Variants in LRBA observed in about 807,000 individuals in gnomAD.
The protein encoded by LRBA is lipopolysaccharide-responsive and beige-like anchor protein.
In LRBA, 176 loss-of-function variants were observed where a neutral mutation model predicts 330.0. The ratio of observed to expected loss-of-function variants is 0.53; its 90% CI spans 0.47 to 0.60. LRBA has a LOEUF of 0.60. Among genes scored for constraint, LRBA ranks in the 20% least tolerant of loss-of-function variants. The pLI, the probability that LRBA is intolerant of heterozygous loss-of-function variation, is 0.00. For missense variants in LRBA, 3,259 were observed against 3,444.8 expected, an observed-to-expected ratio of 0.95 and a Z score of 1.35; for synonymous variants, 1,230 against 1,193.0, an observed-to-expected ratio of 1.03 and a Z score of -0.64.
At chr4:150,619,568 T>G (rs190388541) in intron 37 of LRBA, among the ~76,000 whole-genome samples, 2 of 152,176 alleles carry the variant, frequency 1.3e-5, no homozygotes, top group African/African-American at 2.4e-5. Context: ...TCTACAGATA[T>G]CAACCATCTT....
At chr4:150,933,053 C>G (rs1734685084) in intron 2 of LRBA, among the ~76,000 whole-genome samples, 1 of 151,874 alleles carries the variant, frequency 6.6e-6, no homozygotes, top group Admixed American at 6.6e-5. Context: ...ATGTTAGATA[C>G]AAGAACTTCA....
At chr4:150,451,190 C>A (rs887800338) in intron 44 of LRBA, among the ~76,000 whole-genome samples, 2 of 152,152 alleles carry the variant, frequency 1.3e-5, no homozygotes, top group Non-Finnish European at 2.9e-5. Context: ...ACATGAGCAA[C>A]GACATCTTCA....
intron 28 of LRBA, among the ~76,000 whole-genome samples, chr4:150,834,724 C>G (rs1283007335): frequency 6.6e-6 from 1 of 152,120 alleles, no homozygotes; most frequent in African/African-American, 2.4e-5. Flanking sequence ...TGTATTAGTC[C>G]CTAACAAGAG....
chr4:150,831,958 G>C lies in LRBA; in HGVS notation c.4588C>G (p.Gln1530Glu). 1.3e-6 allele frequency: 2 copies of C among 1,521,898 alleles called. No individual in the cohort carries two copies. The highest frequency in any genetic ancestry group is 1.3e-5 in the South Asian group (1 of 74,476). 94.3% of individuals were successfully genotyped at this position (1,521,898 alleles called of 1,614,324 possible). A position where few individuals can be genotyped will look rare whatever the true frequency, so the allele number is the denominator to read the frequency against. ...FRDIEDSKQA[Q>E]FLALAVVYFI... ...TATACTACTGCCAAGGCTAAAAATT[G>C]AGCTTGTTTGCTATCCTCCTGGGAA... Residue 1530 changes from glutamine to glutamate, a missense_variant, in exon 29 of 57, where the codon CAA becomes GAA. Gln to Glu is a conservative substitution (Grantham distance 29). Transcript: ENST00000651943.
In LRBA at chr4:150,321,412, T is replaced by C. The variant is rs369365542; in HGVS notation, c.7453-44A>G. Reference sequence around the variant, plus strand: ...TTGAGTGGGCATGACAAGACCCAAATAGACAAGAAGGAAAAGATGAAGAAA... The same window carrying C: ...TTGAGTGGGCATGACAAGACCCAAACAGACAAGAAGGAAAAGATGAAGAAA... On this transcript the variant is annotated intron_variant, in intron 49 of 56. Transcript: ENST00000651943. This position sits in a 1 kb window ranked among gnomAD's most constrained non-coding sequence, Gnocchi z 4.5. The C allele has an allele frequency of 7.5e-6, 11 of 1,476,246 alleles. No homozygotes were observed. The highest frequency in any genetic ancestry group is 5.4e-5 in the Admixed American group (2 of 37,234). 91.4% of individuals were successfully genotyped at this position (1,476,246 alleles called of 1,614,324 possible). A position where few individuals can be genotyped will look rare whatever the true frequency, so the allele number is the denominator to read the frequency against.
At chr4:150,278,146 A>AGTT in intron 55 of LRBA, 142 bp from the exon 56 acceptor site, 1 of 670,302 alleles carries the variant, frequency 1.5e-6, no homozygotes, top group South Asian at 2.1e-5. Context: ...GAAAATCGTG[A>AGTT]GTTGTAGAAG....
chr4:150,921,154 G>T (rs1347086746), intron 5 of LRBA, 44 bp downstream of exon 5: 5 of 1,319,856 alleles, frequency 3.8e-6, no homozygotes, highest in East Asian at 2.3e-5. Context: ...AGGGAGCAAA[G>T]GAAAGAAGAA....
At chr4:150,968,044 G>T (rs1284963390) in intron 2 of LRBA, among the ~76,000 whole-genome samples, 3 of 136,452 alleles carry the variant, frequency 2.2e-5, no homozygotes, top group African/African-American at 8.5e-5. Flanking sequence ...TCACTCTGTC[G>T]CCCAGGCTGG....
intron 34 of LRBA, among the ~76,000 whole-genome samples, chr4:150,770,584 TATAC>T (rs747035633): frequency 0.015 from 788 of 52,470 alleles, 6 homozygotes; most frequent in African/African-American, 0.029. Flanking sequence ...TATATATATA[TATAC>T]ACACACACAC....
At chr4:150,503,723 C>T (rs562253653) in intron 40 of LRBA, among the ~76,000 whole-genome samples, 98 of 152,246 alleles carry the variant, frequency 6.4e-4, no homozygotes, top group African/African-American at 2.1e-3. Flanking sequence ...TCACGAGCAA[C>T]GGAACAAAGC....
chr4:150,675,864 A>T (rs1782494182), intron 37 of LRBA, among the ~76,000 whole-genome samples: 1 of 152,200 alleles, frequency 6.6e-6, no homozygotes, highest in Admixed American at 6.5e-5. Context: ...TCTAGCCTAG[A>T]TATTAACATA....
At position 150,848,883 on chromosome 4, in the gene LRBA, A is replaced by G; in HGVS notation, c.4274T>C (p.Phe1425Ser). The change falls in exon 26 of 57, where the codon TTT becomes TCT. Residue 1425 changes from phenylalanine (F) to serine (S), a missense_variant. Transcript: ENST00000651943. The part of the protein sequence containing the change: ...DVLIFASSLG[F>S]TEIEAEKSMS... ...ACTTTTTTCAGCTTCAATTTCAGTA[A>G]AGCCAAGAGAACTTGCAAATATAAG... The G allele has an allele frequency of 6.2e-7, 1 of 1,613,080 alleles. No homozygotes were observed. The highest frequency in any genetic ancestry group is 8.5e-7 in the Non-Finnish European group (1 of 1,179,456).
At chr4:150,870,827 T>TA (rs1424055047) in intron 19 of LRBA, among the ~76,000 whole-genome samples, 1 of 152,220 alleles carries the variant, frequency 6.6e-6, no homozygotes, top group Non-Finnish European at 1.5e-5. Flanking sequence ...ATCAAATAGT[T>TA]AATAAAATGG....
Position 150,583,303 on chromosome 4 carries a change from G to C in LRBA, c.6330+4745C>G. 2 of 1,614,194 alleles carry C rather than the reference G, an allele frequency of 1.2e-6. No homozygotes were observed. The highest frequency in any genetic ancestry group is 1.7e-6 in the Non-Finnish European group (2 of 1,180,034). ...GGGCGTCTTCAACTTCGTGGACGACGGCTCGCTGCCCGGCTGCGCAGTGCT... is the reference window on the plus strand; with the variant it reads ...GGGCGTCTTCAACTTCGTGGACGACCGCTCGCTGCCCGGCTGCGCAGTGCT... On this transcript the variant is annotated intron_variant, in intron 40 of 56. Transcript: ENST00000651943. This position sits in a 1 kb window ranked among gnomAD's most constrained non-coding sequence, Gnocchi z 9.8.
At chr4:150,543,960 TAA>T (rs1765581225) in intron 40 of LRBA, among the ~76,000 whole-genome samples, 1 of 152,064 alleles carries the variant, frequency 6.6e-6, no homozygotes. Flanking sequence ...ATCCCCAAAT[TAA>T]ACTTTTAAAG....
intron 47 of LRBA, among the ~76,000 whole-genome samples, chr4:150,389,676 CAAAAAAA>C (rs34170088): frequency 2.5e-5 from 2 of 80,092 alleles, no homozygotes; most frequent in Non-Finnish European, 2.3e-5. Flanking sequence ...GACTCTGTCT[CAAAAAAA>C]AAAAAAAAAA....
At chr4:150,489,287 A>ATTATATATAC (rs1561250553) in intron 41 of LRBA, among the ~76,000 whole-genome samples, 1 of 57,164 alleles carries the variant, frequency 1.7e-5, no homozygotes, top group Non-Finnish European at 2.9e-5. Context: ...ATTATATATA[A>ATTATATATAC]GAATATATAA....
chr4:150,943,743 T>C (rs956360947), intron 2 of LRBA, among the ~76,000 whole-genome samples: 2 of 152,156 alleles, frequency 1.3e-5, no homozygotes, highest in African/African-American at 4.8e-5. Context: ...AAAGAAAATA[T>C]GAGCAAATAA....
intron 46 of LRBA, among the ~76,000 whole-genome samples, chr4:150,423,983 T>C: frequency 6.6e-6 from 1 of 152,202 alleles, no homozygotes; most frequent in East Asian, 1.9e-4. Context: ...GAGAAAGCTT[T>C]AGGGAAAAGA....
Sources: gnomAD v4.1 joint callset for allele counts (sites outside exome capture counted in the v4.1 genomes callset) on GRCh38, gnomAD v4.1.1 for gene constraint, Gnocchi (gnomAD v3.1) non-coding constraint, MANE v1.5 for transcripts, NCBI Gene and HGNC (gene_info 2026-07-23, HGNC 2026-07-21) for gene names.